ACTL6A: variants seen among roughly 807,000 people sequenced by gnomAD.
ACTL6A encodes actin like 6A, also known as actin-like protein 6A.
Under a neutral mutation model 59.2 loss-of-function variants are expected in ACTL6A, and 5 were observed. The observed-to-expected ratio is 0.08, with a 90% CI of 0.04 to 0.18. ACTL6A has a LOEUF of 0.18. Ranked by LOEUF, ACTL6A falls within the 10% of genes least tolerant of loss-of-function variation. The pLI, the probability that ACTL6A is intolerant of heterozygous loss-of-function variation, is 1.00. For missense variants in ACTL6A, 285 were observed against 526.9 expected, an observed-to-expected ratio of 0.54 and a Z score of 4.49; for synonymous variants, 154 against 171.8, an observed-to-expected ratio of 0.90 and a Z score of 0.81.
chr3:179,576,486 T>G (rs1718169186), intron 6 of ACTL6A, 134 bp from the exon 7 acceptor site: 1 of 812,914 alleles, frequency 1.2e-6, no homozygotes, highest in South Asian at 1.8e-5. Context: ...ATGCATGGCT[T>G]TATTTATGTG....
At chr3:179,564,465 A>G (rs1717770328) in intron 1 of ACTL6A, among the ~76,000 whole-genome samples, 2 of 152,160 alleles carry the variant, frequency 1.3e-5, no homozygotes, top group Non-Finnish European at 2.9e-5. Flanking sequence ...TAGAAATTGC[A>G]TCCTAGGTTT....
intron 11 of ACTL6A, among the ~76,000 whole-genome samples, chr3:179,582,492 G>A (rs1475384392): frequency 6.6e-6 from 1 of 152,186 alleles, no homozygotes; most frequent in Non-Finnish European, 1.5e-5. Flanking sequence ...TGCTTCTGAT[G>A]CTTACCTCTG....
rs1717709400 is a variant in ACTL6A at position 179,563,021 on chromosome 3, G to A, written c.-72G>A. 2 of 1,585,016 alleles carry A rather than the reference G, an allele frequency of 1.3e-6. No individual in the cohort carries two copies. The highest frequency in any genetic ancestry group is 1.3e-5 in the African/African-American group (1 of 74,652). ...GGAGTCAGGGGCTATCGCTCCTCGA[G>A]ACTCGCAGTCGCGGCCACTGCAGTC... is the stretch of plus-strand genomic sequence containing the variant. On this transcript the variant is annotated 5_prime_UTR_variant, in exon 1 of 14. Transcript: ENST00000429709.
rs1260341489 is a variant in ACTL6A at position 179,583,456 on chromosome 3, CTGTT to C, written c.1122+13_1122+16del. Reference sequence around the variant, plus strand: ...TCTCAGAAAACTCCTCCAGTAAGTTCTGTTTGTTCTTTAATGGTATTCTTCAGTC... The same window carrying C: ...TCTCAGAAAACTCCTCCAGTAAGTTCTGTTCTTTAATGGTATTCTTCAGTC... On this transcript the variant is annotated intron_variant, in intron 12 of 13. Coordinates refer to ENST00000429709, the MANE Select transcript of ACTL6A (RefSeq NM_004301.5). 6.3e-7 allele frequency: 1 copy of C among 1,596,262 alleles called. No homozygotes were observed. The highest frequency in any genetic ancestry group is 1.1e-5 in the South Asian group (1 of 90,144).
At chr3:179,573,574 G>T in intron 4 of ACTL6A, 105 bp downstream of exon 4, 2 of 738,946 alleles carry the variant, frequency 2.7e-6, no homozygotes. Context: ...TCTTTAAAGA[G>T]GCATAGAAAT....
chr3:179,563,082 C>T lies in ACTL6A; in HGVS notation c.-11C>T, dbSNP rs1405930522. On this transcript the variant is annotated 5_prime_UTR_variant, in exon 1 of 14. Coordinates refer to ENST00000429709, the MANE Select transcript of ACTL6A (RefSeq NM_004301.5). ...TTAGCCCTTAGGGTAGGAGTCGCGC[C>T]GGCAGCAGCCATGAGCGGCGGCGTG... is the stretch of plus-strand genomic sequence containing the variant. The T allele has an allele frequency of 1.9e-6, 3 of 1,611,346 alleles. No homozygotes were observed. Among genetic ancestry groups the T allele is most frequent in the South Asian group, 1.1e-5 (1 of 90,932 alleles).
intron 3 of ACTL6A, among the ~76,000 whole-genome samples, chr3:179,572,982 C>CTTTTTTTTT (rs71628083): frequency 2.2e-5 from 3 of 138,830 alleles, no homozygotes; most frequent in Non-Finnish European, 4.6e-5. Context: ...ACAATTCTTT[C>CTTTTTTTTT]TTTTTTTTTT....
intron 13 of ACTL6A, 115 bp from the exon 14 acceptor site, chr3:179,587,815 A>G (rs1000902589): frequency 2.7e-6 from 2 of 733,988 alleles, no homozygotes; most frequent in Non-Finnish European, 4.4e-6. Context: ...CAATCACGCC[A>G]TTGCACTCCA....
chr3:179,563,879 G>A (rs1190109759), intron 1 of ACTL6A, among the ~76,000 whole-genome samples: 2 of 152,102 alleles, frequency 1.3e-5, no homozygotes, highest in Admixed American at 6.5e-5. Flanking sequence ...CAGGTGCCGG[G>A]GGTTACAGAC....
intron 8 of ACTL6A, among the ~76,000 whole-genome samples, chr3:179,578,163 A>C (rs1327027726): frequency 6.6e-6 from 1 of 152,144 alleles, no homozygotes; most frequent in African/African-American, 2.4e-5. Flanking sequence ...CAGAAAAATT[A>C]GCTAAGTGGG....
chr3:179,578,605 G>A (rs1031272724), intron 8 of ACTL6A, among the ~76,000 whole-genome samples: 1 of 151,948 alleles, frequency 6.6e-6, no homozygotes, highest in Non-Finnish European at 1.5e-5. Flanking sequence ...GGTAACGAGT[G>A]AGAACCCATC....
At chr3:179,583,940 A>G (rs1718407712) in intron 12 of ACTL6A, among the ~76,000 whole-genome samples, 2 of 152,224 alleles carry the variant, frequency 1.3e-5, no homozygotes, top group South Asian at 4.1e-4. Flanking sequence ...CAAAAATACT[A>G]AGAGAAGACA....
At chr3:179,584,716 C>T (rs375347436) in intron 12 of ACTL6A, among the ~76,000 whole-genome samples, 2 of 151,622 alleles carry the variant, frequency 1.3e-5, no homozygotes, top group African/African-American at 4.8e-5. Context: ...ACCCAGGAGG[C>T]GGAGGTTGCA....
chr3:179,584,880 A>G (rs1718439638), intron 12 of ACTL6A, among the ~76,000 whole-genome samples: 1 of 152,208 alleles, frequency 6.6e-6, no homozygotes, highest in Non-Finnish European at 1.5e-5. Flanking sequence ...TAGTGGTTAC[A>G]TATGCCCTAA....
intron 12 of ACTL6A, 68 bp from the exon 13 acceptor site, chr3:179,586,478 A>AAAG: frequency 2.5e-6 from 3 of 1,198,432 alleles, no homozygotes; most frequent in Non-Finnish European, 2.3e-6. Flanking sequence ...AAAAAAAAAA[A>AAAG]AAAAAAAAGA....
intron 1 of ACTL6A, among the ~76,000 whole-genome samples, chr3:179,564,052 C>G (rs948080861): frequency 2.0e-5 from 3 of 152,144 alleles, no homozygotes; most frequent in Admixed American, 1.3e-4. Context: ...AAAGTCTGGC[C>G]CATGGACCAG....
chr3:179,572,351 TAAA>T (rs1718032760), intron 3 of ACTL6A, among the ~76,000 whole-genome samples: 1 of 151,966 alleles, frequency 6.6e-6, no homozygotes. Flanking sequence ...AGAAAGAAGT[TAAA>T]AAAATCCAGG....
At chr3:179,567,308 A>G (rs897642553) in intron 1 of ACTL6A, among the ~76,000 whole-genome samples, 9 of 152,268 alleles carry the variant, frequency 5.9e-5, no homozygotes, top group Admixed American at 3.9e-4. Flanking sequence ...GGAGGTTGCA[A>G]TGAGCTGAGA....
intron 1 of ACTL6A, among the ~76,000 whole-genome samples, chr3:179,568,884 A>G (rs1428841234): frequency 6.6e-6 from 1 of 152,230 alleles, no homozygotes; most frequent in Non-Finnish European, 1.5e-5. Flanking sequence ...GATAAGAGCT[A>G]TTATGTACAT....
Sources: allele counts gnomAD v4.1 joint callset (sites outside exome capture counted in the v4.1 genomes callset), GRCh38; gene constraint gnomAD v4.1.1; transcripts MANE v1.5; gene names NCBI Gene and HGNC (gene_info 2026-07-23, HGNC 2026-07-21).